STUM: variants seen among roughly 807,000 people sequenced by gnomAD.
STUM encodes protein stum homolog.
In STUM, 8 loss-of-function variants were observed where a neutral mutation model predicts 15.3. The ratio of observed to expected loss-of-function variants is 0.52; its 90% CI spans 0.31 to 0.94. STUM has a LOEUF of 0.94. Among genes scored for constraint, STUM ranks in the 40% least tolerant of loss-of-function variants. STUM has a pLI of 0.05. For missense variants in STUM, 142 were observed against 204.9 expected, an observed-to-expected ratio of 0.69 and a Z score of 1.87; for synonymous variants, 78 against 88.7, an observed-to-expected ratio of 0.88 and a Z score of 0.68.
chr1:226,593,464 A>T (rs1315020589), intron 1 of STUM, among the ~76,000 whole-genome samples: 1 of 152,284 alleles, frequency 6.6e-6, no homozygotes, highest in South Asian at 2.1e-4. Context: ...TCCCAGCTCC[A>T]TCACTTTTAC....
chr1:226,594,084 C>T (rs375378283), intron 1 of STUM, among the ~76,000 whole-genome samples: 70 of 152,172 alleles, frequency 4.6e-4, no homozygotes, highest in African/African-American at 1.5e-3. Flanking sequence ...GCAGTGGTTA[C>T]GATGAGGAGG....
chr1:226,598,728 C>G (rs913181120), intron 2 of STUM, among the ~76,000 whole-genome samples: 1 of 152,204 alleles, frequency 6.6e-6, no homozygotes, highest in African/African-American at 2.4e-5. Context: ...TAAGCAAGTG[C>G]TAGAAGCTGC....
intron 1 of STUM, among the ~76,000 whole-genome samples, chr1:226,559,436 T>C (rs1667501616): frequency 6.6e-6 from 1 of 152,204 alleles, no homozygotes; most frequent in Non-Finnish European, 1.5e-5. Flanking sequence ...GGGGCCTCCC[T>C]GCCTGTCACA....
chr1:226,557,583 C>T (rs371795053), intron 1 of STUM, among the ~76,000 whole-genome samples: 11 of 152,156 alleles, frequency 7.2e-5, no homozygotes, highest in South Asian at 2.1e-4. Flanking sequence ...TCCTATAATT[C>T]GCATTCTCAC....
chr1:226,575,083 G>A (rs1014803255), intron 1 of STUM, among the ~76,000 whole-genome samples: 1 of 152,214 alleles, frequency 6.6e-6, no homozygotes, highest in African/African-American at 2.4e-5. Context: ...AGGTGCTAGC[G>A]GGAGGAGAGC....
intron 1 of STUM, among the ~76,000 whole-genome samples, chr1:226,587,526 C>T (rs542905132): frequency 1.9e-4 from 29 of 152,264 alleles, no homozygotes; most frequent in African/African-American, 6.3e-4. Context: ...CGCACCCCAC[C>T]GTGTTCCCCT....
Position 226,602,147 on chromosome 1 carries a change from G to A in STUM, c.*107G>A. On this transcript the variant is annotated 3_prime_UTR_variant, in exon 4 of 4. Coordinates refer to ENST00000366788, the MANE Select transcript of STUM (RefSeq NM_001003665.4). ...GTTCTTTTCTGCCATTTTCTGGACT[G>A]GGGGTGGAAAGGGGGTATTTTTAAA... 2.5e-6 allele frequency: 2 copies of A among 800,304 alleles called. No homozygotes were observed. 49.6% of individuals were successfully genotyped at this position (800,304 alleles called of 1,614,324 possible).
At chr1:226,588,902 C>T (rs1668041961) in intron 1 of STUM, among the ~76,000 whole-genome samples, 1 of 152,210 alleles carries the variant, frequency 6.6e-6, no homozygotes, top group Non-Finnish European at 1.5e-5. Flanking sequence ...ACCCCCAAAG[C>T]TCACATTCAG....
intron 1 of STUM, among the ~76,000 whole-genome samples, chr1:226,575,829 G>A (rs1483247034): frequency 3.3e-5 from 5 of 152,174 alleles, no homozygotes; most frequent in African/African-American, 1.2e-4. Flanking sequence ...TTTCACATCC[G>A]CAGAGCCTTC....
rs914041890 is a variant in STUM at position 226,549,271 on chromosome 1, G to T, written c.202+165G>T. Among the ~76,000 whole-genome samples the T allele has an allele frequency of 6.6e-6, 1 of 152,178 alleles. No individual in the cohort carries two copies. Among genetic ancestry groups the T allele is most frequent in the African/African-American group, 2.4e-5 (1 of 41,456 alleles). On this transcript the variant is annotated intron_variant, in intron 1 of 3. Transcript: ENST00000366788. The surrounding 1 kb of genome is among the most constrained non-coding windows in gnomAD (Gnocchi z 6.8). ...GCGTCCCCGGGCAGGTGGCAGAAGC[G>T]CGTGGAGTGTGCACCCCAGAGGGGA... is the stretch of plus-strand genomic sequence containing the variant.
At chr1:226,577,291 A>G (rs1292438442) in intron 1 of STUM, among the ~76,000 whole-genome samples, 2 of 152,184 alleles carry the variant, frequency 1.3e-5, no homozygotes, top group Non-Finnish European at 2.9e-5. Context: ...AATTGTCCTC[A>G]TTGTGTCGGG....
rs745669617 is a variant in STUM at position 226,565,010 on chromosome 1, G to A, written c.202+15904G>A. On this transcript the variant is annotated intron_variant, in intron 1 of 3. Transcript: ENST00000366788. This position sits in a 1 kb window ranked among gnomAD's most constrained non-coding sequence, Gnocchi z 4.4. The stretch of plus-strand genomic sequence containing the variant: ...ATCCTGCTCTGGACCCGAGGAGGCC[G>A]ACCTCTACGGCCTGCATCACCAGTC... Among the ~76,000 whole-genome samples the A allele has an allele frequency of 1.6e-4, 24 of 152,156 alleles. No individual in the cohort carries two copies. The highest frequency in any genetic ancestry group is 2.5e-4 in the Non-Finnish European group (17 of 68,032).
intron 1 of STUM, among the ~76,000 whole-genome samples, chr1:226,555,601 A>G (rs1309826747): frequency 1.5e-4 from 23 of 152,196 alleles, no homozygotes; most frequent in Admixed American, 1.5e-3. Context: ...CCACTCTCTG[A>G]TTCAAGCCTC....
intron 1 of STUM, among the ~76,000 whole-genome samples, chr1:226,590,327 G>A (rs1668066372): frequency 6.6e-6 from 1 of 152,102 alleles, no homozygotes. Context: ...CCGACTCCCT[G>A]TAGAGCCACT....
chr1:226,588,886 T>C (rs541444656), intron 1 of STUM, among the ~76,000 whole-genome samples: 31 of 152,346 alleles, frequency 2.0e-4, no homozygotes, highest in Non-Finnish European at 3.5e-4. Context: ...GTACATTTCC[T>C]TCCTGACCCC....
At chr1:226,592,079 A>G (rs1319002492) in intron 1 of STUM, among the ~76,000 whole-genome samples, 2 of 152,080 alleles carry the variant, frequency 1.3e-5, no homozygotes, top group South Asian at 4.1e-4. Flanking sequence ...ATGGAGTCTC[A>G]CTCTGTCACC....
At chr1:226,597,472 C>T (rs1668201014) in intron 2 of STUM, 2 of 472,394 alleles carry the variant, frequency 4.2e-6, no homozygotes, top group South Asian at 3.1e-5. Flanking sequence ...GGCACTTTGC[C>T]TTCACTCTGT....
intron 1 of STUM, among the ~76,000 whole-genome samples, chr1:226,596,263 G>GTACTAC (rs3068293): frequency 0.38 from 56,814 of 151,318 alleles, 10,766 homozygotes; most frequent in Middle Eastern, 0.48. Flanking sequence ...ACTGCACAGT[G>GTACTAC]TACTACTACT....
At chr1:226,560,379 G>T (rs978111840) in intron 1 of STUM, among the ~76,000 whole-genome samples, 23 of 152,174 alleles carry the variant, frequency 1.5e-4, no homozygotes, top group African/African-American at 3.6e-4. Flanking sequence ...GCCAGTGCAG[G>T]AATCCACGTC....
Sources: gnomAD v4.1 joint callset for allele counts (sites outside exome capture counted in the v4.1 genomes callset) on GRCh38, gnomAD v4.1.1 for gene constraint, Gnocchi (gnomAD v3.1) non-coding constraint, MANE v1.5 for transcripts, NCBI Gene and HGNC (gene_info 2026-07-23, HGNC 2026-07-21) for gene names.